MYO16: variants seen among roughly 807,000 people sequenced by gnomAD.
The protein encoded by MYO16 is unconventional myosin-XVI.
MYO16 carries 94 observed loss-of-function variants against 205.3 expected under a neutral mutation model. The ratio of observed to expected loss-of-function variants is 0.46; its 90% CI spans 0.39 to 0.54. The LOEUF (loss-of-function observed/expected upper bound fraction) is 0.54, where lower values mean the gene tolerates loss of function less well. MYO16 is among the 20% of genes least tolerant of loss of function. The pLI, the probability that MYO16 is intolerant of heterozygous loss-of-function variation, is 0.00. For synonymous variants in MYO16, 988 were observed against 954.0 expected (o/e 1.04, Z -0.66); for missense variants, 2,315 against 2,387.5 (o/e 0.97, Z 0.63).
chr13:108,574,622 G>A, the MYO16 span, among the ~76,000 whole-genome samples: 1 of 150,524 alleles, frequency 6.6e-6, no homozygotes, highest in Non-Finnish European at 1.5e-5. Flanking sequence ...ACGATTTAAA[G>A]TTAAAATCTT....
At chr13:108,525,954 T>TC in the MYO16 span, among the ~76,000 whole-genome samples, 1 of 151,346 alleles carries the variant, frequency 6.6e-6, no homozygotes, top group Non-Finnish European at 1.5e-5. Context: ...TTTTTTTTTT[T>TC]CTGGGGAGGG....
At chr13:109,023,641 A>ACAAATATATGTATATATGTATATATG (rs1368192727) in intron 23 of MYO16, among the ~76,000 whole-genome samples, 3 of 108,668 alleles carry the variant, frequency 2.8e-5, no homozygotes, top group South Asian at 2.8e-4. Flanking sequence ...AAATATATAT[A>ACAAATATATGTATATATGTATATATG]CAAATATATG....
chr13:108,764,313 C>T (rs1025090702), intron 4 of MYO16, among the ~76,000 whole-genome samples: 1 of 152,044 alleles, frequency 6.6e-6, no homozygotes, highest in Admixed American at 6.6e-5. Flanking sequence ...GACATCAATG[C>T]GACACATTGA....
At chr13:108,942,854 C>T (rs959615054) in intron 16 of MYO16, among the ~76,000 whole-genome samples, 1 of 152,118 alleles carries the variant, frequency 6.6e-6, no homozygotes, top group Non-Finnish European at 1.5e-5. Flanking sequence ...TTGTTCAAGT[C>T]GATCTTTATA....
intron 34 of MYO16, among the ~76,000 whole-genome samples, chr13:109,199,217 T>C (rs1183545224): frequency 1.9e-5 from 2 of 103,508 alleles, no homozygotes; most frequent in South Asian, 7.0e-4. Context: ...TATATATATA[T>C]ATATATATAT....
intron 34 of MYO16, among the ~76,000 whole-genome samples, chr13:109,206,203 C>T (rs1234187438): frequency 1.3e-5 from 2 of 152,062 alleles, no homozygotes; most frequent in South Asian, 2.1e-4. Context: ...GGAGCAGCTC[C>T]GAGGATGGAG....
At chr13:109,033,681 G>A (rs1457723693) in intron 23 of MYO16, among the ~76,000 whole-genome samples, 1 of 152,208 alleles carries the variant, frequency 6.6e-6, no homozygotes, top group African/African-American at 2.4e-5. Context: ...GACAAGGGAT[G>A]CTGAAGTGAT....
At chr13:109,102,886 A>T (rs1889015484) in intron 28 of MYO16, among the ~76,000 whole-genome samples, 1 of 152,112 alleles carries the variant, frequency 6.6e-6, no homozygotes, top group Admixed American at 6.5e-5. Context: ...TTTTCTCCAC[A>T]CTTTTCACCT....
intron 4 of MYO16, among the ~76,000 whole-genome samples, chr13:108,779,165 C>T (rs1421846873): frequency 2.0e-5 from 3 of 152,106 alleles, no homozygotes; most frequent in Non-Finnish European, 4.4e-5. Flanking sequence ...TCCTGTTTCC[C>T]ACTGGCATGC....
intron 4 of MYO16, among the ~76,000 whole-genome samples, chr13:108,780,589 A>C (rs918267383): frequency 1.3e-5 from 2 of 152,224 alleles, no homozygotes; most frequent in African/African-American, 4.8e-5. Flanking sequence ...TAAACCCTTG[A>C]AAAGGAAGGT....
intron 1 of MYO16, among the ~76,000 whole-genome samples, chr13:108,656,056 G>A (rs143273544): frequency 0.012 from 1,785 of 152,224 alleles, 12 homozygotes; most frequent in Middle Eastern, 0.078. Context: ...TGTTGGGAAG[G>A]CATGATTTGT....
At chr13:108,707,997 A>G (rs898402944) in intron 2 of MYO16, among the ~76,000 whole-genome samples, 6 of 152,192 alleles carry the variant, frequency 3.9e-5, no homozygotes, top group Non-Finnish European at 7.3e-5. Context: ...GTGACCCTCC[A>G]TCCGGTCACA....
chr13:109,040,895 A>G (rs1279161005), intron 23 of MYO16, among the ~76,000 whole-genome samples: 1 of 152,214 alleles, frequency 6.6e-6, no homozygotes, highest in Non-Finnish European at 1.5e-5. Context: ...TAAAAGGCAA[A>G]CAGATTGGAA....
intron 20 of MYO16, among the ~76,000 whole-genome samples, chr13:108,975,083 C>T (rs991873759): frequency 2.0e-5 from 3 of 152,040 alleles, no homozygotes; most frequent in African/African-American, 4.8e-5. Flanking sequence ...GCCATTACTT[C>T]TGCAGAAAAA....
intron 32 of MYO16, among the ~76,000 whole-genome samples, chr13:109,142,638 A>G (rs932197092): frequency 5.9e-5 from 9 of 152,140 alleles, no homozygotes; most frequent in Non-Finnish European, 8.8e-5. Flanking sequence ...ATGCAACTCT[A>G]TAACTTCACC....
At chr13:109,064,375 C>T (rs1887679343) in intron 27 of MYO16, among the ~76,000 whole-genome samples, 2 of 152,168 alleles carry the variant, frequency 1.3e-5, no homozygotes, top group South Asian at 4.1e-4. Flanking sequence ...AAAGTCTGAT[C>T]TACTCTTCAG....
chr13:108,721,771 G>C (rs1884172676), intron 3 of MYO16, among the ~76,000 whole-genome samples: 1 of 152,188 alleles, frequency 6.6e-6, no homozygotes, highest in Non-Finnish European at 1.5e-5. Context: ...CCCTACACTG[G>C]ACAAGGCTGC....
chr13:108,879,292 A>AT (rs1199047471), intron 12 of MYO16, among the ~76,000 whole-genome samples: 2 of 152,220 alleles, frequency 1.3e-5, no homozygotes, highest in Admixed American at 6.5e-5. Context: ...TACTTTAAAA[A>AT]TTATTTTTGC....
At chr13:108,883,979 GA>G (rs1879736680) in intron 13 of MYO16, among the ~76,000 whole-genome samples, 1 of 152,080 alleles carries the variant, frequency 6.6e-6, no homozygotes, top group African/African-American at 2.4e-5. Flanking sequence ...CCAATTAATA[GA>G]AAATTAAAGA....
Sources: gnomAD v4.1 joint callset for allele counts (sites outside exome capture counted in the v4.1 genomes callset) on GRCh38, gnomAD v4.1.1 for gene constraint, MANE v1.5 for transcripts, NCBI Gene and HGNC (gene_info 2026-07-23, HGNC 2026-07-21) for gene names.